Variants in RAD17 observed in about 807,000 individuals in gnomAD.
RAD17 encodes the protein cell cycle checkpoint protein RAD17.
Under a neutral mutation model 81.5 loss-of-function variants are expected in RAD17, and 31 were observed. That is an observed-to-expected ratio of 0.38 (90% CI 0.29 to 0.51). The LOEUF (loss-of-function observed/expected upper bound fraction) is 0.51. Among genes scored for constraint, RAD17 ranks in the 20% least tolerant of loss-of-function variants. The pLI, the probability that RAD17 is intolerant of heterozygous loss-of-function variation, is 0.88. For missense variants in RAD17, 681 were observed against 781.2 expected, an observed-to-expected ratio of 0.87 and a Z score of 1.53; for synonymous variants, 261 against 266.2, an observed-to-expected ratio of 0.98 and a Z score of 0.19.
At chr5:69,410,185 A>G (rs1348005026) in intron 17 of RAD17, among the ~76,000 whole-genome samples, 1 of 152,168 alleles carries the variant, frequency 6.6e-6, no homozygotes. Context: ...TGGAATTGTT[A>G]GATCATACAA....
chr5:69,392,272 G>A lies in RAD17; in HGVS notation c.1189+259G>A, dbSNP rs576920581. Among the ~76,000 whole-genome samples the A allele has an allele frequency of 5.3e-5, 8 of 152,286 alleles. No homozygotes were observed. In the East Asian group the frequency reaches 1.4e-3, roughly 26 times the overall value. On this transcript the variant is annotated intron_variant, in intron 13 of 18. Coordinates refer to ENST00000354868, the MANE Select transcript of RAD17 (RefSeq NM_133338.3). ...TCTTTAAAATTATAGTTTGCTGAAG[G>A]TAAGAGAGCAGATCATCTAGACTTG...
chr5:69,372,552 T>G (rs138892040), intron 4 of RAD17, among the ~76,000 whole-genome samples: 1 of 152,234 alleles, frequency 6.6e-6, no homozygotes, highest in African/African-American at 2.4e-5. Flanking sequence ...TGTTAAAAAA[T>G]CTAGTAAAAA....
chr5:69,374,123 A>T (rs757661680), intron 5 of RAD17, 36 bp downstream of exon 5: 1 of 1,557,326 alleles, frequency 6.4e-7, no homozygotes. Flanking sequence ...TACATAATTT[A>T]ATTTCAGGGT....
intron 6 of RAD17, 64 bp from the exon 7 acceptor site, chr5:69,381,837 C>G: frequency 8.4e-7 from 1 of 1,197,118 alleles, no homozygotes; most frequent in East Asian, 2.5e-5. Context: ...AATGAAAAGT[C>G]AGAAATAATA....
In RAD17 at chr5:69,375,876, T is replaced by G. The variant is rs577244358; in HGVS notation, c.351+1165T>G. ...CTAATAATAGTTTACTAACCCTTTC[T>G]TTTCTCCAAGGCACTGACTTATGAA... On this transcript the variant is annotated intron_variant, in intron 6 of 18. Transcript: ENST00000354868. Among the ~76,000 whole-genome samples, 79 of 152,208 alleles carry G rather than the reference T, an allele frequency of 5.2e-4. 1 individual carries two copies. Among genetic ancestry groups the G allele is most frequent in the Non-Finnish European group, 8.7e-4 (59 of 68,008 alleles).
intron 16 of RAD17, among the ~76,000 whole-genome samples, chr5:69,398,297 TTTAAA>T (rs1027270348): frequency 3.3e-5 from 5 of 152,148 alleles, no homozygotes; most frequent in Non-Finnish European, 4.4e-5. Flanking sequence ...TATTTGTCAA[TTTAAA>T]TTAATCAAAG....
At chr5:69,394,187 A>G (rs1056919911) in intron 15 of RAD17, among the ~76,000 whole-genome samples, 8 of 149,768 alleles carry the variant, frequency 5.3e-5, no homozygotes, top group Non-Finnish European at 1.2e-4. Context: ...CTCCCCATCT[A>G]GTAGCTGGGA....
chr5:69,386,926 CTTTTT>C (rs377383013), intron 11 of RAD17, among the ~76,000 whole-genome samples: 9 of 138,546 alleles, frequency 6.5e-5, no homozygotes, highest in African/African-American at 2.4e-4. Flanking sequence ...GCTGTTGTCA[CTTTTT>C]TTTTTTTTTT....
In RAD17 at chr5:69,389,149, A is replaced by G; in HGVS notation, c.1006+4A>G. ...CTCCAGTTTTCTTCTTCAAAAGGTAACTATGGAAGATACAGTCATGTGGCA... is the reference window on the plus strand; with the variant it reads ...CTCCAGTTTTCTTCTTCAAAAGGTAGCTATGGAAGATACAGTCATGTGGCA... On this transcript the variant is annotated splice_donor_region_variant and intron_variant, in intron 12 of 18. Coordinates refer to ENST00000354868, the MANE Select transcript of RAD17 (RefSeq NM_133338.3). 6.5e-7 allele frequency: 1 copy of G among 1,531,464 alleles called. No individual in the cohort carries two copies. The highest frequency in any genetic ancestry group is 8.9e-7 in the Non-Finnish European group (1 of 1,125,170). 94.9% of individuals were successfully genotyped at this position (1,531,464 alleles called of 1,614,324 possible). A position where few individuals can be genotyped will look rare whatever the true frequency, so the allele number is the denominator to read the frequency against.
At chr5:69,397,286 C>T (rs1285295422) in intron 16 of RAD17, among the ~76,000 whole-genome samples, 4 of 152,112 alleles carry the variant, frequency 2.6e-5, no homozygotes, top group Non-Finnish European at 5.9e-5. Context: ...GGATTACAGG[C>T]ATCTACCTCC....
chr5:69,396,351 C>A (rs754227022), intron 15 of RAD17, 46 bp from the exon 16 acceptor site: 1 of 1,569,112 alleles, frequency 6.4e-7, no homozygotes, highest in Non-Finnish European at 8.7e-7. Flanking sequence ...ACCAGTAATG[C>A]TCTTTTATAA....
At chr5:69,371,641 C>A in intron 3 of RAD17, 84 bp downstream of exon 3, 1 of 688,086 alleles carries the variant, frequency 1.5e-6, no homozygotes, top group Non-Finnish European at 2.1e-6. Context: ...CTTATTACTG[C>A]TATCAAAGTA....
intron 2 of RAD17, 41 bp downstream of exon 2, chr5:69,371,212 C>G: frequency 2.1e-6 from 1 of 480,114 alleles, no homozygotes. Flanking sequence ...TTTTTTTTTT[C>G]TAATACATCA....
intron 17 of RAD17, among the ~76,000 whole-genome samples, chr5:69,406,318 T>C (rs193153533): frequency 3.9e-5 from 6 of 152,314 alleles, no homozygotes; most frequent in African/African-American, 1.4e-4. Flanking sequence ...TATTCTCACT[T>C]ATATAGGAGC....
intron 17 of RAD17, among the ~76,000 whole-genome samples, chr5:69,404,123 T>C (rs1437927672): frequency 6.6e-6 from 1 of 152,204 alleles, no homozygotes; most frequent in Non-Finnish European, 1.5e-5. Flanking sequence ...GCTGGTGAAG[T>C]TAACTTTTAT....
chr5:69,399,724 ATT>A (rs1260166528), intron 16 of RAD17, among the ~76,000 whole-genome samples: 1 of 152,060 alleles, frequency 6.6e-6, no homozygotes, highest in Non-Finnish European at 1.5e-5. Flanking sequence ...ATTGAAAACT[ATT>A]TTCGTGTAAT....
In RAD17 at chr5:69,372,207, A is replaced by C. The variant is rs138082806; in HGVS notation, c.-2A>C. On this transcript the variant is annotated 5_prime_UTR_variant, in exon 4 of 19. Coordinates refer to ENST00000354868, the MANE Select transcript of RAD17 (RefSeq NM_133338.3). ...CAGTCACAATCTTTTGATGAGGACG[A>C]AATGAATCAGGTAGCTATGACTAAA... 6 of 1,607,992 alleles carry C rather than the reference A, an allele frequency of 3.7e-6. No individual in the cohort carries two copies. Among genetic ancestry groups the C allele is most frequent in the Non-Finnish European group, 5.1e-6 (6 of 1,175,040 alleles).
chr5:69,377,701 A>T (rs1220854665), intron 6 of RAD17, among the ~76,000 whole-genome samples: 3 of 92,740 alleles, frequency 3.2e-5, no homozygotes, highest in Admixed American at 1.3e-4. Context: ...GTATACATAT[A>T]TATATGTATT....
upstream of RAD17, chr5:69,369,309 A>G: frequency 1.8e-5 from 8 of 453,060 alleles, no homozygotes; most frequent in Non-Finnish European, 2.5e-5. Flanking sequence ...AACGCCCGCG[A>G]GGGTCGGCTC....
Sources: allele counts gnomAD v4.1 joint callset (sites outside exome capture counted in the v4.1 genomes callset), GRCh38; gene constraint gnomAD v4.1.1; transcripts MANE v1.5; gene names NCBI Gene and HGNC (gene_info 2026-07-23, HGNC 2026-07-21).